Variants in AFF3 observed in about 807,000 individuals in gnomAD.
AFF3 encodes the protein AF4/FMR2 family member 3.
Under a neutral mutation model 129.7 loss-of-function variants are expected in AFF3, and 32 were observed. The ratio of observed to expected loss-of-function variants is 0.25; its 90% CI spans 0.19 to 0.33. AFF3 has a LOEUF of 0.33. Among genes scored for constraint, AFF3 ranks in the 10% least tolerant of loss-of-function variants. AFF3 has a pLI of 1.00. For missense variants in AFF3, 1,373 were observed against 1,592.0 expected, an observed-to-expected ratio of 0.86 and a Z score of 2.34; for synonymous variants, 644 against 635.4, an observed-to-expected ratio of 1.01 and a Z score of -0.20.
intron 7 of AFF3, among the ~76,000 whole-genome samples, chr2:99,986,466 C>T (rs1679884809): frequency 6.6e-6 from 1 of 151,958 alleles, no homozygotes; most frequent in Non-Finnish European, 1.5e-5. Flanking sequence ...TTAAGTAGCA[C>T]AATGTTCTAA....
intron 7 of AFF3, among the ~76,000 whole-genome samples, chr2:99,971,056 C>T (rs1429588506): frequency 6.6e-6 from 1 of 152,186 alleles, no homozygotes; most frequent in Non-Finnish European, 1.5e-5. Context: ...ATTGGCATAT[C>T]AATTATCCTA....
At chr2:99,707,641 T>C in intron 11 of AFF3, 1 of 984,916 alleles carries the variant, frequency 1.0e-6, no homozygotes, top group Non-Finnish European at 1.2e-6. Context: ...ATCTTCACAT[T>C]CCAAATCTTT....
rs191757756 is a variant in AFF3, at chr2:99,676,322, T to C, written c.1092-3733A>G. Among the ~76,000 whole-genome samples the C allele has an allele frequency of 4.0e-3, 606 of 152,240 alleles. 4 individuals are homozygous for C. The highest frequency in any genetic ancestry group is 0.014 in the African/African-American group (583 of 41,536). On this transcript the variant is annotated intron_variant, in intron 11 of 24. Coordinates refer to ENST00000672756, the MANE Select transcript of AFF3 (RefSeq NM_001386135.1). ...GCAGACCAGCTAAGTACTTTCTAGA[T>C]GTTACTTTGTCAATCCCTGCAGCAA...
At chr2:99,970,204 C>T (rs1678219374) in intron 7 of AFF3, among the ~76,000 whole-genome samples, 1 of 152,106 alleles carries the variant, frequency 6.6e-6, no homozygotes, top group Non-Finnish European at 1.5e-5. Context: ...TGGGGTTGTC[C>T]GTGTACCGTC....
intron 13 of AFF3, among the ~76,000 whole-genome samples, chr2:99,611,462 C>T (rs1680913674): frequency 1.3e-5 from 2 of 152,200 alleles, no homozygotes; most frequent in South Asian, 2.1e-4. Context: ...GCGATGTTGG[C>T]AGGGGAAGGG....
chr2:99,854,976 T>C (rs770186454), intron 7 of AFF3, among the ~76,000 whole-genome samples: 5 of 152,120 alleles, frequency 3.3e-5, no homozygotes, highest in African/African-American at 7.2e-5. Flanking sequence ...CCTTGCCCCA[T>C]AGCACATAAT....
chr2:99,613,937 A>T (rs1011224867), intron 13 of AFF3, among the ~76,000 whole-genome samples: 1 of 152,244 alleles, frequency 6.6e-6, no homozygotes, highest in African/African-American at 2.4e-5. Context: ...ATGACATTTC[A>T]GTGGGATAAA....
At chr2:99,609,971 G>A (rs1036710564) in intron 13 of AFF3, among the ~76,000 whole-genome samples, 1 of 152,152 alleles carries the variant, frequency 6.6e-6, no homozygotes, top group Non-Finnish European at 1.5e-5. Flanking sequence ...AACATTCCAT[G>A]ATGACTTGTT....
intron 1 of AFF3, among the ~76,000 whole-genome samples, chr2:100,135,115 A>G: frequency 6.6e-6 from 1 of 152,200 alleles, no homozygotes; most frequent in East Asian, 1.9e-4. Context: ...GGGAGAGAGC[A>G]CCAGAACAGT....
intron 7 of AFF3, among the ~76,000 whole-genome samples, chr2:99,959,063 C>T (rs1490659998): frequency 6.6e-6 from 1 of 151,912 alleles, no homozygotes; most frequent in Non-Finnish European, 1.5e-5. Flanking sequence ...CACCACTGCA[C>T]TCCAGTCTCG....
intron 7 of AFF3, among the ~76,000 whole-genome samples, chr2:99,895,816 C>T (rs1227480395): frequency 6.6e-6 from 1 of 152,186 alleles, no homozygotes; most frequent in East Asian, 1.9e-4. Context: ...CGCCTGGAAT[C>T]CCAATACTCT....
intron 10 of AFF3, among the ~76,000 whole-genome samples, chr2:99,730,929 AG>A (rs1178748077): frequency 6.6e-6 from 1 of 152,176 alleles, no homozygotes; most frequent in Non-Finnish European, 1.5e-5. Flanking sequence ...AAATTCTGTT[AG>A]CCCTTCAATG....
chr2:99,840,696 A>G (rs565530300), intron 7 of AFF3, among the ~76,000 whole-genome samples: 70 of 152,288 alleles, frequency 4.6e-4, no homozygotes, highest in African/African-American at 1.7e-3. Flanking sequence ...TGCTCTGGAA[A>G]CATCACCATT....
chr2:100,007,003 G>A lies in AFF3; in HGVS notation c.502C>T (p.Leu168Phe). The A allele has an allele frequency of 6.2e-7, 1 of 1,610,850 alleles. No homozygotes were observed. Among genetic ancestry groups the A allele is most frequent in the Non-Finnish European group, 8.5e-7 (1 of 1,177,826 alleles). ...GQQRATQQGS[L>F]RTLLGDGVGR... is the part of the protein sequence containing the mutation. Reference sequence around the variant, plus strand: ...ACACCATCTCCAAGCAAGGTCCTGAGAGAGCCCTGTTGTGCTGAGTTGGAA... The same window carrying A: ...ACACCATCTCCAAGCAAGGTCCTGAAAGAGCCCTGTTGTGCTGAGTTGGAA... The change falls in exon 7 of 25, where the codon CTC (leucine) becomes TTC (phenylalanine). Residue 168 changes from leucine (L) to phenylalanine (F), a missense_variant. Physicochemically the swap from Leu to Phe is conservative, Grantham distance 22 (BLOSUM62 0). Transcript: ENST00000672756.
At chr2:99,707,286 T>A in intron 11 of AFF3, 1 of 985,352 alleles carries the variant, frequency 1.0e-6, no homozygotes, top group Non-Finnish European at 1.2e-6. Context: ...TTGCTTTTAG[T>A]AATTTGTCTG....
chr2:99,936,937 C>A (rs1042413344), intron 7 of AFF3, among the ~76,000 whole-genome samples: 1 of 152,260 alleles, frequency 6.6e-6, no homozygotes, highest in South Asian at 2.1e-4. Context: ...CAGGTCTAAT[C>A]CCAAGACAGC....
chr2:99,791,645 T>C (rs896149917), intron 8 of AFF3, among the ~76,000 whole-genome samples: 1 of 152,194 alleles, frequency 6.6e-6, no homozygotes, highest in Non-Finnish European at 1.5e-5. Flanking sequence ...CCAAATTTCA[T>C]ACTCACAGTG....
intron 22 of AFF3, among the ~76,000 whole-genome samples, chr2:99,555,796 G>A (rs534589369): frequency 1.6e-4 from 25 of 152,124 alleles, no homozygotes; most frequent in Non-Finnish European, 3.2e-4. Flanking sequence ...TTTTAGTGCG[G>A]GTGTTATTAA....
At chr2:100,000,089 CAT>C (rs1347886450) in intron 7 of AFF3, among the ~76,000 whole-genome samples, 1 of 152,174 alleles carries the variant, frequency 6.6e-6, no homozygotes, top group Non-Finnish European at 1.5e-5. Flanking sequence ...GCTGGTTAAT[CAT>C]GTGGAGATAA....
Sources: gnomAD v4.1 joint callset for allele counts (sites outside exome capture counted in the v4.1 genomes callset) on GRCh38, gnomAD v4.1.1 for gene constraint, MANE v1.5 for transcripts, NCBI Gene and HGNC (gene_info 2026-07-23, HGNC 2026-07-21) for gene names.